UNC79: variants seen among roughly 807,000 people sequenced by gnomAD.
UNC79 encodes unc-79 subunit of NALCN channel complex.
UNC79 carries 37 observed loss-of-function variants against 283.1 expected under a neutral mutation model. That is an observed-to-expected ratio of 0.13 (90% CI 0.10 to 0.17). The LOEUF (loss-of-function observed/expected upper bound fraction) is 0.17, where lower values mean the gene tolerates loss of function less well. Among genes scored for constraint, UNC79 ranks in the 10% least tolerant of loss-of-function variants. The probability of loss-of-function intolerance (pLI) is 1.00; values close to 1 mark genes in which losing one functional copy is unlikely to be tolerated. For missense variants in UNC79, 2,272 were observed against 3,211.1 expected, an observed-to-expected ratio of 0.71 and a Z score of 7.07; for synonymous variants, 1,107 against 1,200.2, an observed-to-expected ratio of 0.92 and a Z score of 1.61.
At chr14:93,663,608 G>C (rs1163781178) in intron 40 of UNC79, among the ~76,000 whole-genome samples, 3 of 151,844 alleles carry the variant, frequency 2.0e-5, no homozygotes, top group Non-Finnish European at 4.4e-5. Flanking sequence ...TTACCAACTT[G>C]GGTCCATTCT....
At chr14:93,618,280 G>C (rs761180831) in exon 29 of UNC79, 12 of 1,613,866 alleles carry the variant, frequency 7.4e-6, no homozygotes, top group Non-Finnish European at 1.0e-5. Flanking sequence ...TATCATAGCT[G>C]CAAGCCCCAT....
chr14:93,665,786 C>CT (rs2072133511), intron 40 of UNC79, among the ~76,000 whole-genome samples: 2 of 151,856 alleles, frequency 1.3e-5, no homozygotes, highest in Admixed American at 1.3e-4. Flanking sequence ...CTAAGCTATC[C>CT]TTCAAGAATG....
intron 1 of UNC79, among the ~76,000 whole-genome samples, chr14:93,385,718 G>A (rs1432826481): frequency 6.6e-6 from 1 of 151,598 alleles, no homozygotes; most frequent in East Asian, 1.9e-4. Flanking sequence ...GGTGGAGGTT[G>A]CAGTGAGCAG....
chr14:93,334,426 A>G (rs1027656497), intron 1 of UNC79: 1 of 152,234 alleles, frequency 6.6e-6, no homozygotes, highest in Non-Finnish European at 1.5e-5. Context: ...GGGTCACTTC[A>G]GTTGAACATA....
intron 31 of UNC79, among the ~76,000 whole-genome samples, chr14:93,631,438 G>A (rs752382051): frequency 1.3e-5 from 2 of 152,168 alleles, no homozygotes; most frequent in Non-Finnish European, 2.9e-5. Context: ...TAGGAGGCGA[G>A]TATTTTGAAA....
intron 7 of UNC79, among the ~76,000 whole-genome samples, chr14:93,516,450 T>TTG (rs1491208329): frequency 2.6e-5 from 2 of 78,102 alleles, no homozygotes; most frequent in Non-Finnish European, 5.0e-5. Flanking sequence ...ATATTTTTTT[T>TTG]GGGGGGGGGG....
At chr14:93,513,998 T>C (rs1349683225) in intron 7 of UNC79, among the ~76,000 whole-genome samples, 1 of 152,098 alleles carries the variant, frequency 6.6e-6, no homozygotes, top group Non-Finnish European at 1.5e-5. Context: ...AGAAGGAACA[T>C]GTAAAATCAA....
chr14:93,681,456 T>C (rs2073839299), intron 41 of UNC79, among the ~76,000 whole-genome samples: 1 of 152,202 alleles, frequency 6.6e-6, no homozygotes, highest in African/African-American at 2.4e-5. Flanking sequence ...AGCCCGATAA[T>C]ATGCTGGTTT....
chr14:93,377,702 A>G (rs1432901636), intron 1 of UNC79, among the ~76,000 whole-genome samples: 1 of 152,224 alleles, frequency 6.6e-6, no homozygotes, highest in Non-Finnish European at 1.5e-5. Context: ...ATTGGGTGGG[A>G]TAACAGCCAA....
At chr14:93,634,700 C>G in intron 31 of UNC79, 63 bp downstream of exon 34, 2 of 1,364,288 alleles carry the variant, frequency 1.5e-6, no homozygotes, top group Non-Finnish European at 2.1e-6. Flanking sequence ...TTCTCTGTGT[C>G]CACTCTGCTC....
At chr14:93,575,696 A>G (rs990767485) in intron 17 of UNC79, among the ~76,000 whole-genome samples, 1 of 152,208 alleles carries the variant, frequency 6.6e-6, no homozygotes, top group Non-Finnish European at 1.5e-5. Flanking sequence ...AAAAGTCAAG[A>G]TAGTCTGGTC....
intron 30 of UNC79, among the ~76,000 whole-genome samples, chr14:93,628,727 A>G (rs2067767667): frequency 6.6e-6 from 1 of 152,240 alleles, no homozygotes; most frequent in Non-Finnish European, 1.5e-5. Flanking sequence ...TTTTAAGCCA[A>G]GTGGATAGCT....
intron 2 of UNC79, among the ~76,000 whole-genome samples, chr14:93,468,366 C>G (rs573599369): frequency 6.6e-6 from 1 of 152,168 alleles, no homozygotes; most frequent in African/African-American, 2.4e-5. Flanking sequence ...ATTTGCTCCA[C>G]GTATCTTGAT....
At chr14:93,378,727 T>G (rs945270000) in intron 1 of UNC79, among the ~76,000 whole-genome samples, 5 of 152,218 alleles carry the variant, frequency 3.3e-5, no homozygotes, top group African/African-American at 1.2e-4. Context: ...ATGTTGGTAC[T>G]CAAAAAATTT....
chr14:93,341,344 C>G (rs1025681886), intron 1 of UNC79, among the ~76,000 whole-genome samples: 1 of 151,990 alleles, frequency 6.6e-6, no homozygotes, highest in Non-Finnish European at 1.5e-5. Flanking sequence ...GTAATCCCAG[C>G]TACTCAGGCG....
At chr14:93,612,723 A>G in intron 26 of UNC79, 74 bp from the exon 28 acceptor site, 1 of 1,539,482 alleles carries the variant, frequency 6.5e-7, no homozygotes, top group Non-Finnish European at 8.7e-7. Flanking sequence ...TGCCTTATCA[A>G]TATCTAAGAG....
chr14:93,532,495 A>G lies in UNC79; in HGVS notation c.1094-55A>G, dbSNP rs1378799754. The G allele has an allele frequency of 1.9e-6, 3 of 1,577,300 alleles. No individual in the cohort carries two copies. In the African/African-American group the frequency reaches 4.1e-5, roughly 22 times the overall value. On this transcript the variant is annotated intron_variant, in intron 10 of 48. Coordinates refer to ENST00000555664, the Ensembl canonical transcript of UNC79. ...AAAAAATAAATTAATTAATTAAATAAAAATTAGAGGGGCTCTCTTTCTTTG... is the reference window on the plus strand; with the variant it reads ...AAAAAATAAATTAATTAATTAAATAGAAATTAGAGGGGCTCTCTTTCTTTG...
chr14:93,516,891 A>G (rs901165144), intron 7 of UNC79, among the ~76,000 whole-genome samples: 5 of 151,972 alleles, frequency 3.3e-5, no homozygotes, highest in African/African-American at 1.2e-4. Flanking sequence ...TCTTTCAGCA[A>G]TATTTGCTGG....
intron 40 of UNC79, among the ~76,000 whole-genome samples, chr14:93,668,981 A>T (rs1228593102): frequency 7.0e-6 from 1 of 142,230 alleles, no homozygotes; most frequent in Non-Finnish European, 1.5e-5. Context: ...CATTGTCTAA[A>T]AAAAAAAAAA....
Sources: gnomAD v4.1 joint callset for allele counts (sites outside exome capture counted in the v4.1 genomes callset) on GRCh38, gnomAD v4.1.1 for gene constraint, MANE v1.5 for transcripts, NCBI Gene and HGNC (gene_info 2026-07-23, HGNC 2026-07-21) for gene names.